Variants in IBTK observed in about 807,000 individuals in gnomAD.
The protein encoded by IBTK is BTK-binding protein.
A neutral mutation model predicts 154.9 loss-of-function variants in IBTK; 83 were observed. The ratio of observed to expected loss-of-function variants is 0.54; its 90% CI spans 0.45 to 0.64. The LOEUF is 0.64. Among genes scored for constraint, IBTK ranks in the 30% least tolerant of loss-of-function variants. IBTK has a pLI of 0.00. For synonymous variants in IBTK, 515 were observed against 536.1 expected, an observed-to-expected ratio of 0.96 and a Z score of 0.54; for missense variants, 1,332 against 1,584.6, an observed-to-expected ratio of 0.84 and a Z score of 2.71.
chr6:82,229,560 G>C (rs1168191044), intron 4 of IBTK, among the ~76,000 whole-genome samples: 1 of 152,066 alleles, frequency 6.6e-6, no homozygotes, highest in East Asian at 1.9e-4. Context: ...TTAAGGAGGA[G>C]TCTGAGGACC....
intron 17 of IBTK, among the ~76,000 whole-genome samples, chr6:82,202,915 C>T (rs554484281): frequency 1.3e-5 from 2 of 152,182 alleles, no homozygotes; most frequent in Admixed American, 1.3e-4. Context: ...CATAGTGCCA[C>T]CCAAAAGCAA....
chr6:82,231,947 A>T, intron 3 of IBTK, 105 bp from the exon 4 acceptor site: 1 of 583,938 alleles, frequency 1.7e-6, no homozygotes, highest in Non-Finnish European at 2.8e-6. Context: ...CTCTGAATGA[A>T]TATATTAATA....
At chr6:82,190,871 C>G (rs528516722) in intron 25 of IBTK, among the ~76,000 whole-genome samples, 1 of 151,732 alleles carries the variant, frequency 6.6e-6, no homozygotes, top group Non-Finnish European at 1.5e-5. Context: ...TGTCAAAACA[C>G]CCCAAATTAA....
At chr6:82,217,271 T>C (rs115150996) in intron 10 of IBTK, among the ~76,000 whole-genome samples, 1,789 of 152,248 alleles carry the variant, frequency 0.012, 43 homozygotes, top group African/African-American at 0.04. Flanking sequence ...TGAACCTACG[T>C]TCTAGTTACT....
chr6:82,241,158 A>G (rs1356468500), intron 1 of IBTK, among the ~76,000 whole-genome samples: 1 of 150,786 alleles, frequency 6.6e-6, no homozygotes, highest in Non-Finnish European at 1.5e-5. Context: ...CCATTTTTCC[A>G]CTCTCATGTT....
intron 15 of IBTK, 38 bp downstream of exon 15, chr6:82,211,329 A>T: frequency 2.0e-6 from 3 of 1,524,006 alleles, no homozygotes; most frequent in Non-Finnish European, 2.7e-6. Context: ...ATAAAGAAAC[A>T]TAGTTACCAA....
At chr6:82,175,055 A>G (rs933368753) in intron 26 of IBTK, 3 of 455,506 alleles carry the variant, frequency 6.6e-6, no homozygotes, top group South Asian at 1.6e-5. Flanking sequence ...TTACATGTCA[A>G]TCTTAACTGC....
chr6:82,193,039 G>A (rs574595035), intron 23 of IBTK, among the ~76,000 whole-genome samples: 150 of 150,896 alleles, frequency 9.9e-4, no homozygotes, highest in African/African-American at 3.4e-3. Flanking sequence ...CAGAGGTTGC[G>A]GTGAGCCGAG....
In IBTK at chr6:82,223,478, G is replaced by A; in HGVS notation, c.1086C>T (p.Tyr362=). 6.2e-7 allele frequency: 1 copy of A among 1,614,000 alleles called. No homozygotes were observed. Among genetic ancestry groups the A allele is most frequent in the Non-Finnish European group, 8.5e-7 (1 of 1,179,924 alleles). The change falls in exon 8 of 29, where the codon TAC becomes TAT. Residue 362 remains tyrosine, a synonymous_variant. Coordinates refer to ENST00000306270, the MANE Select transcript of IBTK (RefSeq NM_015525.4). ...TCTTGCACTGATAGTCTGCAAGTAA[G>A]TAAATATCTCCCCTTGTGGTAACAC... ...TVCVTTRGDI[Y]LLADYQCKKM...
At chr6:82,199,778 C>T (rs965759020) in intron 21 of IBTK, among the ~76,000 whole-genome samples, 1 of 152,146 alleles carries the variant, frequency 6.6e-6, no homozygotes, top group Non-Finnish European at 1.5e-5. Flanking sequence ...CTGACCCTAT[C>T]CAACCTATCT....
At chr6:82,243,033 AG>A (rs1205433899) in intron 1 of IBTK, among the ~76,000 whole-genome samples, 1 of 152,154 alleles carries the variant, frequency 6.6e-6, no homozygotes, top group Admixed American at 6.5e-5. Context: ...CGAGGTCAGG[AG>A]ATCAAGACCA....
Position 82,231,797 on chromosome 6 carries a change from A to T in IBTK, c.464T>A (p.Leu155Gln), listed in dbSNP as rs1433063963. 3 of 1,605,790 alleles carry T rather than the reference A, an allele frequency of 1.9e-6. No individual in the cohort carries two copies. The change falls in exon 4 of 29, where the codon CTG becomes CAG. Residue 155 changes from leucine (L) to glutamine (Q), a missense_variant. Leu to Gln is a moderately radical substitution (Grantham distance 113). Transcript: ENST00000306270. Reference protein sequence around the residue: ...YTWGDNTNFTLGHGSQNSKHH... With the variant: ...YTWGDNTNFTQGHGSQNSKHH... ...TTTGCTATTCTGGCTTCCATGACCC[A>T]GGGTAAAATTTGTATTATCGCCCCA...
At chr6:82,224,273 G>C in intron 6 of IBTK, 88 bp from the exon 7 acceptor site, 3 of 904,022 alleles carry the variant, frequency 3.3e-6, no homozygotes, top group Non-Finnish European at 5.4e-6. Context: ...GCAAATATAT[G>C]GTATACTTGC....
intron 25 of IBTK, among the ~76,000 whole-genome samples, chr6:82,188,646 C>T (rs1235032103): frequency 2.0e-5 from 3 of 151,866 alleles, no homozygotes; most frequent in African/African-American, 7.3e-5. Flanking sequence ...CATCAACAAA[C>T]AAACCAAAAA....
intron 17 of IBTK, 146 bp from the exon 18 acceptor site, chr6:82,202,791 G>C (rs1184767110): frequency 1.9e-6 from 1 of 537,044 alleles, no homozygotes; most frequent in Non-Finnish European, 3.3e-6. Context: ...TAATACTGGG[G>C]CAAATATGTA....
chr6:82,238,959 G>A (rs969051412), intron 2 of IBTK, among the ~76,000 whole-genome samples: 8 of 151,132 alleles, frequency 5.3e-5, no homozygotes, highest in Non-Finnish European at 1.2e-4. Flanking sequence ...GGCTTGTCTC[G>A]AACTCATAAC....
At chr6:82,182,750 C>G (rs906256102) in intron 25 of IBTK, among the ~76,000 whole-genome samples, 1 of 152,042 alleles carries the variant, frequency 6.6e-6, no homozygotes, top group African/African-American at 2.4e-5. Context: ...TTGACAGCAG[C>G]CATAGAAACA....
In IBTK at chr6:82,191,093, G is replaced by A. The variant is rs1768750129; in HGVS notation, c.3555C>T (p.Ala1185=). The A allele has an allele frequency of 6.3e-7, 1 of 1,575,246 alleles. No individual in the cohort carries two copies. The change falls in exon 25 of 29, where the codon GCC becomes GCT. Residue 1185 remains alanine, a synonymous_variant. Transcript: ENST00000306270. ...METVLFTPSK[A]PKPVNAWASS... is the part of the protein sequence containing the mutation. ...CATACCATGCATTCACTGGTTTGGG[G>A]GCTTTTGAAGGAGTGAATAAAACTG... is the stretch of plus-strand genomic sequence containing the variant.
Position 82,227,279 on chromosome 6 carries a change from G to C in IBTK, c.567C>G (p.Ser189=), listed in dbSNP as rs199566613. The change falls in exon 5 of 29, where the codon TCC becomes TCG. Residue 189 remains serine, a synonymous_variant. Transcript: ENST00000306270. The part of the protein sequence containing the change: ...IKQVVLCKFH[S]VFLSQKGQVY... ...CCTGCCCTTTCTGAGACAGAAACACGGAGTGAAATTTACAAAGCACCACCT... is the reference window on the plus strand; with the variant it reads ...CCTGCCCTTTCTGAGACAGAAACACCGAGTGAAATTTACAAAGCACCACCT... 5 of 1,605,396 alleles carry C rather than the reference G, an allele frequency of 3.1e-6. No homozygotes were observed. In the African/African-American group the frequency reaches 5.4e-5, roughly 17 times the overall value.
Sources: allele counts gnomAD v4.1 joint callset (sites outside exome capture counted in the v4.1 genomes callset), GRCh38; gene constraint gnomAD v4.1.1; transcripts MANE v1.5; gene names NCBI Gene and HGNC (gene_info 2026-07-23, HGNC 2026-07-21).